Variants in DLGAP2 observed in about 807,000 individuals in gnomAD.
DLGAP2 encodes disks large-associated protein 2.
A neutral mutation model predicts 100.3 loss-of-function variants in DLGAP2; 26 were observed. That is an observed-to-expected ratio of 0.26 (90% CI 0.19 to 0.36). The LOEUF is 0.36. DLGAP2 is among the 10% of genes least tolerant of loss of function. The pLI is 1.00. For missense variants in DLGAP2, 1,858 were observed against 1,453.2 expected (o/e 1.28, Z -4.53); for synonymous variants, 886 against 630.1 (o/e 1.41, Z -6.08).
intron 2 of DLGAP2, among the ~76,000 whole-genome samples, chr8:1,172,874 C>G (rs1425144752): frequency 6.6e-6 from 1 of 152,204 alleles, no homozygotes; most frequent in Non-Finnish European, 1.5e-5. Flanking sequence ...CCCTTCTTCT[C>G]TCATCTCGTC....
rs369068997 is a variant in DLGAP2 at position 797,133 on chromosome 8, C to G, written c.18+59308C>G. ...ATTAAGTGAGTTCCATGAGTTTTGA[C>G]AATTGAACACGACCCTGTAGTCACC... On this transcript the variant is annotated intron_variant, in intron 1 of 14. Transcript: ENST00000637795. 5.9e-5 allele frequency among the ~76,000 whole-genome samples: 9 copies of G among 152,298 alleles called. No individual in the cohort carries two copies. In the East Asian group the frequency reaches 1.3e-3, roughly 23 times the overall value.
chr8:1,223,597 A>G (rs1052913728), intron 2 of DLGAP2, among the ~76,000 whole-genome samples: 3 of 152,226 alleles, frequency 2.0e-5, no homozygotes, highest in Admixed American at 6.5e-5. Flanking sequence ...AAAATATGAC[A>G]TTAAGAATTG....
chr8:1,298,441 G>C (rs1800244735), intron 3 of DLGAP2, among the ~76,000 whole-genome samples: 1 of 152,182 alleles, frequency 6.6e-6, no homozygotes, highest in South Asian at 2.1e-4. Flanking sequence ...GACACGTTCT[G>C]TACTGGGGTA....
At chr8:1,540,858 C>G (rs1038279574) in intron 4 of DLGAP2, among the ~76,000 whole-genome samples, 7 of 152,234 alleles carry the variant, frequency 4.6e-5, no homozygotes, top group African/African-American at 1.4e-4. Context: ...ACATCCAGGT[C>G]TCATCTATTT....
chr8:1,070,970 C>G (rs2129037313), intron 2 of DLGAP2, among the ~76,000 whole-genome samples: 1 of 152,284 alleles, frequency 6.6e-6, no homozygotes, highest in African/African-American at 2.4e-5. Context: ...CCGATGGCTG[C>G]TTTTCCAAAT....
At chr8:1,030,882 G>A (rs963036909) in intron 2 of DLGAP2, among the ~76,000 whole-genome samples, 29 of 152,336 alleles carry the variant, frequency 1.9e-4, no homozygotes, top group African/African-American at 6.3e-4. Context: ...TTCTCAGACC[G>A]CAGCCACCAG....
intron 6 of DLGAP2, 38 bp downstream of exon 6, chr8:1,565,932 T>A: frequency 6.6e-7 from 1 of 1,525,760 alleles, no homozygotes; most frequent in South Asian, 1.2e-5. Context: ...CCAAGCACTT[T>A]CCCACTGCCT....
chr8:937,484 G>A (rs903459587), intron 2 of DLGAP2, among the ~76,000 whole-genome samples: 5 of 152,202 alleles, frequency 3.3e-5, no homozygotes, highest in South Asian at 4.1e-4. Flanking sequence ...TTAGAATGTC[G>A]CATGATTTTC....
chr8:933,121 A>C (rs1193593161), intron 2 of DLGAP2, among the ~76,000 whole-genome samples: 4 of 152,224 alleles, frequency 2.6e-5, no homozygotes, highest in Non-Finnish European at 4.4e-5. Flanking sequence ...GCACAGTGGC[A>C]GCTGCTGTCT....
At chr8:771,417 T>G (rs951077137) in intron 1 of DLGAP2, among the ~76,000 whole-genome samples, 1 of 152,234 alleles carries the variant, frequency 6.6e-6, no homozygotes, top group Non-Finnish European at 1.5e-5. Context: ...AAACACATTT[T>G]GATTTTCCTA....
rs185127989 is a variant in DLGAP2, at chr8:1,513,029, G to A, written c.172+11598G>A. 2.8e-4 allele frequency among the ~76,000 whole-genome samples: 43 copies of A among 151,620 alleles called. 2 individuals carry two copies. The highest frequency in any genetic ancestry group is 9.8e-4 in the African/African-American group (40 of 40,956). Reference sequence around the variant, plus strand: ...TGCCTTTCCCAGTGCAGAGGAGGATGGAAGAGGCCACAGGCCAGCTCCAGG... The same window carrying A: ...TGCCTTTCCCAGTGCAGAGGAGGATAGAAGAGGCCACAGGCCAGCTCCAGG... On this transcript the variant is annotated intron_variant, in intron 4 of 14. Coordinates refer to ENST00000637795, the MANE Select transcript of DLGAP2 (RefSeq NM_001346810.2).
intron 6 of DLGAP2, among the ~76,000 whole-genome samples, chr8:1,572,087 G>A (rs1290110927): frequency 3.8e-5 from 5 of 130,894 alleles, no homozygotes; most frequent in African/African-American, 1.6e-4. Context: ...GGTGAACTGT[G>A]GGGGCGTCTG....
chr8:1,510,095 G>C (rs59220237), intron 4 of DLGAP2, among the ~76,000 whole-genome samples: 2,365 of 152,330 alleles, frequency 0.016, 65 homozygotes, highest in African/African-American at 0.054. Context: ...TTTTTTGTAA[G>C]GATTTGCCCC....
rs145523509 is a variant in DLGAP2 at position 881,901 on chromosome 8, C to G, written c.19-26011C>G. ...AAGTGTCACAGAGAAAATATAAATT[C>G]TCCCACCCAATATCCAGTCTGGTTG... On this transcript the variant is annotated intron_variant, in intron 1 of 14. Transcript: ENST00000637795. Among the ~76,000 whole-genome samples, 1,058 of 152,180 alleles carry G rather than the reference C, an allele frequency of 7.0e-3. 13 individuals carry two copies. The highest frequency in any genetic ancestry group is 0.025 in the African/African-American group (1,020 of 41,502).
chr8:918,500 C>A (rs567860994), intron 2 of DLGAP2, among the ~76,000 whole-genome samples: 2 of 152,188 alleles, frequency 1.3e-5, no homozygotes, highest in Non-Finnish European at 2.9e-5. Flanking sequence ...GAGACAGGCA[C>A]GGCTGTGTCT....
At chr8:1,188,222 G>A (rs552551787) in intron 2 of DLGAP2, among the ~76,000 whole-genome samples, 10 of 107,596 alleles carry the variant, frequency 9.3e-5, no homozygotes, top group African/African-American at 3.2e-4. Context: ...AATCTCACAC[G>A]CCCGGGACTT....
intron 2 of DLGAP2, among the ~76,000 whole-genome samples, chr8:917,555 TG>T (rs1798620839): frequency 6.6e-6 from 1 of 151,914 alleles, no homozygotes; most frequent in Non-Finnish European, 1.5e-5. Context: ...CTTTTGTTAT[TG>T]TTGTTACTGG....
At chr8:1,624,411 G>A (rs531911904) in intron 6 of DLGAP2, among the ~76,000 whole-genome samples, 1 of 152,040 alleles carries the variant, frequency 6.6e-6, no homozygotes, top group African/African-American at 2.4e-5. Context: ...CATAGCTCGG[G>A]GCTTCGTCCG....
At chr8:1,417,891 C>G (rs1423471678) in intron 3 of DLGAP2, among the ~76,000 whole-genome samples, 1 of 152,192 alleles carries the variant, frequency 6.6e-6, no homozygotes, top group Non-Finnish European at 1.5e-5. Flanking sequence ...AAGTGCAGTT[C>G]CAGGAGCCTT....
Sources: allele counts gnomAD v4.1 joint callset (sites outside exome capture counted in the v4.1 genomes callset), GRCh38; gene constraint gnomAD v4.1.1; transcripts MANE v1.5; gene names NCBI Gene and HGNC (gene_info 2026-07-23, HGNC 2026-07-21).